Variants in NEGR1 observed in about 807,000 individuals in gnomAD.
The protein encoded by NEGR1 is neuronal growth regulator 1, also known as IgLON family member 4.
In NEGR1, 10 loss-of-function variants were observed where a neutral mutation model predicts 40.9. The observed-to-expected ratio is 0.24, with a 90% CI of 0.15 to 0.42. The LOEUF is 0.42. Ranked by LOEUF, NEGR1 falls within the 10% of genes least tolerant of loss-of-function variation. The pLI is 1.00. For missense variants in NEGR1, 352 were observed against 438.9 expected (o/e 0.80, Z 1.77); for synonymous variants, 185 against 166.8 (o/e 1.11, Z -0.84).
chr1:71,794,071 G>A (rs1657227342), intron 2 of NEGR1, among the ~76,000 whole-genome samples: 1 of 152,048 alleles, frequency 6.6e-6, no homozygotes, highest in African/African-American at 2.4e-5. Flanking sequence ...AAAAGGATAA[G>A]TATTCAAAGC....
chr1:72,125,819 C>T (rs940088340), intron 1 of NEGR1, among the ~76,000 whole-genome samples: 1 of 151,990 alleles, frequency 6.6e-6, no homozygotes, highest in Non-Finnish European at 1.5e-5. Flanking sequence ...TATTCTTTTT[C>T]CCACCAGAAC....
intron 1 of NEGR1, among the ~76,000 whole-genome samples, chr1:72,053,855 C>A (rs1280809682): frequency 6.9e-6 from 1 of 145,706 alleles, no homozygotes; most frequent in South Asian, 2.1e-4. Context: ...AAAACGAACA[C>A]TTTTTTGTAT....
chr1:72,101,076 T>A (rs1345117338), intron 1 of NEGR1: 4 of 152,144 alleles, frequency 2.6e-5, no homozygotes, highest in African/African-American at 7.2e-5. Flanking sequence ...ACACTGGGAG[T>A]TAGGGCTTGG....
chr1:72,149,234 C>T (rs184134703), intron 1 of NEGR1, among the ~76,000 whole-genome samples: 19 of 152,216 alleles, frequency 1.2e-4, no homozygotes, highest in Admixed American at 1.2e-3. Context: ...CATCAGATAT[C>T]GTGAGACTTA....
intron 6 of NEGR1, among the ~76,000 whole-genome samples, chr1:71,453,274 C>T (rs1036763478): frequency 2.0e-5 from 3 of 152,048 alleles, no homozygotes; most frequent in Non-Finnish European, 2.9e-5. Context: ...TTATGTTCTA[C>T]CTGAGTTGCA....
chr1:72,025,947 T>C (rs575795019), intron 1 of NEGR1, among the ~76,000 whole-genome samples: 2 of 150,468 alleles, frequency 1.3e-5, no homozygotes, highest in African/African-American at 4.9e-5. Context: ...CCGTCTCTAC[T>C]AAAAATACAA....
At chr1:71,944,706 C>G (rs1249971356) in intron 1 of NEGR1, among the ~76,000 whole-genome samples, 1 of 152,168 alleles carries the variant, frequency 6.6e-6, no homozygotes, top group African/African-American at 2.4e-5. Flanking sequence ...CCTTCCCAAC[C>G]CATCTGCTTA....
At chr1:71,833,532 A>ACC (rs1658911460) in intron 2 of NEGR1, among the ~76,000 whole-genome samples, 1 of 151,666 alleles carries the variant, frequency 6.6e-6, no homozygotes, top group African/African-American at 2.4e-5. Flanking sequence ...ATGGAGAAGG[A>ACC]AGCAGAGAAG....
At chr1:71,753,483 T>C (rs1394035070) in intron 3 of NEGR1, among the ~76,000 whole-genome samples, 1 of 152,142 alleles carries the variant, frequency 6.6e-6, no homozygotes, top group East Asian at 1.9e-4. Flanking sequence ...CAGGAGTCTT[T>C]TGCCCATGTC....
At chr1:71,500,664 T>C (rs1047611994) in intron 6 of NEGR1, among the ~76,000 whole-genome samples, 1 of 152,048 alleles carries the variant, frequency 6.6e-6, no homozygotes, top group Non-Finnish European at 1.5e-5. Flanking sequence ...ATGATAATAG[T>C]ACAGTTGTCC....
At chr1:71,449,951 T>A (rs1409530202) in intron 6 of NEGR1, among the ~76,000 whole-genome samples, 1 of 152,014 alleles carries the variant, frequency 6.6e-6, no homozygotes, top group Non-Finnish European at 1.5e-5. Flanking sequence ...ATTTGTCTTT[T>A]ATTTTCACCA....
chr1:72,182,417 C>G (rs577646599), intron 1 of NEGR1, among the ~76,000 whole-genome samples: 52 of 152,054 alleles, frequency 3.4e-4, no homozygotes, highest in African/African-American at 1.2e-3. Flanking sequence ...CATTTGAACC[C>G]GGGGGGTGGA....
At chr1:71,791,723 A>G (rs542009106) in intron 2 of NEGR1, among the ~76,000 whole-genome samples, 1 of 152,240 alleles carries the variant, frequency 6.6e-6, no homozygotes, top group Admixed American at 6.5e-5. Flanking sequence ...GTAAAGTGGA[A>G]CACCCTAAGA....
At chr1:71,478,165 C>T (rs1646833685) in intron 6 of NEGR1, among the ~76,000 whole-genome samples, 2 of 152,002 alleles carry the variant, frequency 1.3e-5, no homozygotes, top group African/African-American at 4.8e-5. Context: ...TATTAAAAGA[C>T]ACAGTTACTG....
chr1:71,402,862 C>T lies in NEGR1; in HGVS notation c.*4584G>A, dbSNP rs779421235. ...ATGTGCTGGTTTTCCATGTCTGATA[C>T]TTGATGTTTCTGTTTCTGTGATGTA... On this transcript the variant is annotated 3_prime_UTR_variant, in exon 7 of 7. Coordinates refer to ENST00000357731, the MANE Select transcript of NEGR1 (RefSeq NM_173808.3). The T allele has an allele frequency of 2.0e-5, 3 of 151,996 alleles. No homozygotes were observed. Among genetic ancestry groups the T allele is most frequent in the Non-Finnish European group, 4.4e-5 (3 of 67,990 alleles). The allele number at this position is 151,996 out of a possible 1,614,324, so 9.4% of individuals were successfully genotyped here. A position where few individuals can be genotyped will look rare whatever the true frequency, so the allele number is the denominator to read the frequency against.
intron 1 of NEGR1, among the ~76,000 whole-genome samples, chr1:71,996,982 A>G (rs2100371470): frequency 6.6e-6 from 1 of 151,992 alleles, no homozygotes; most frequent in Admixed American, 6.6e-5. Flanking sequence ...ACTATAATTC[A>G]CTAAGAGAGC....
At chr1:72,198,083 G>A in intron 1 of NEGR1, among the ~76,000 whole-genome samples, 1 of 151,992 alleles carries the variant, frequency 6.6e-6, no homozygotes, top group Non-Finnish European at 1.5e-5. Flanking sequence ...ATAGGCGGAG[G>A]CTGCTGGTAT....
At chr1:71,915,803 T>C (rs1661560026) in intron 2 of NEGR1, among the ~76,000 whole-genome samples, 2 of 152,174 alleles carry the variant, frequency 1.3e-5, no homozygotes, top group Admixed American at 6.5e-5. Context: ...ATTAATTCAT[T>C]AAGAGATCAT....
At chr1:71,914,598 A>T (rs1661518842) in intron 2 of NEGR1, among the ~76,000 whole-genome samples, 1 of 152,140 alleles carries the variant, frequency 6.6e-6, no homozygotes. Flanking sequence ...TTTCCTAGAG[A>T]AATGTGGGGG....
Sources: allele counts gnomAD v4.1 joint callset (sites outside exome capture counted in the v4.1 genomes callset), GRCh38; gene constraint gnomAD v4.1.1; transcripts MANE v1.5; gene names NCBI Gene and HGNC (gene_info 2026-07-23, HGNC 2026-07-21).